UBA5: variants seen among roughly 807,000 people sequenced by gnomAD.
UBA5 encodes ubiquitin-like modifier-activating enzyme 5.
In UBA5, 28 loss-of-function variants were observed where a neutral mutation model predicts 52.9. The observed-to-expected ratio is 0.53, with a 90% CI of 0.39 to 0.73. The LOEUF (loss-of-function observed/expected upper bound fraction) is 0.73, where lower values mean the gene tolerates loss of function less well. Ranked by LOEUF, UBA5 falls within the 30% of genes least tolerant of loss-of-function variation. The pLI is 0.00. For synonymous variants in UBA5, 135 were observed against 162.1 expected, an observed-to-expected ratio of 0.83 and a Z score of 1.27; for missense variants, 388 against 492.7, an observed-to-expected ratio of 0.79 and a Z score of 2.01.
At chr3:132,664,112 C>A (rs574076824) in intron 1 of UBA5, among the ~76,000 whole-genome samples, 1 of 152,190 alleles carries the variant, frequency 6.6e-6, no homozygotes, top group Non-Finnish European at 1.5e-5. Context: ...AAGGAAGTAA[C>A]CAGATTCTTC....
intron 5 of UBA5, 63 bp from the exon 6 acceptor site, chr3:132,670,902 A>G: frequency 8.7e-7 from 1 of 1,150,094 alleles, no homozygotes; most frequent in Non-Finnish European, 1.3e-6. Flanking sequence ...TGAACAAGTA[A>G]GTATAATGTA....
chr3:132,663,053 G>T (rs745366661), intron 1 of UBA5, among the ~76,000 whole-genome samples: 4 of 152,128 alleles, frequency 2.6e-5, no homozygotes, highest in Admixed American at 6.5e-5. Flanking sequence ...TGATAGGGAG[G>T]GGTGGGTCCC....
At position 132,678,678 on chromosome 3, in the gene UBA5, C is replaced by G. The variant is rs766848668; in HGVS notation, c.*2152C>G. Among the ~76,000 whole-genome samples, 6 of 152,012 alleles carry G rather than the reference C, an allele frequency of 3.9e-5. No homozygotes were observed. Among genetic ancestry groups the G allele is most frequent in the Non-Finnish European group, 8.8e-5 (6 of 68,006 alleles). On this transcript the variant is annotated 3_prime_UTR_variant, in exon 12 of 12. Coordinates refer to ENST00000356232, the MANE Select transcript of UBA5 (RefSeq NM_024818.6). ...TTTATTTATTTTTTTGAGACAGAGT[C>G]TCACTCTGTTGCCCAGGCTGGAGTG...
chr3:132,662,823 T>G (rs1317026871), intron 1 of UBA5, among the ~76,000 whole-genome samples: 1 of 152,182 alleles, frequency 6.6e-6, no homozygotes, highest in Non-Finnish European at 1.5e-5. Context: ...TAGCTGATTT[T>G]GGGCAGTTGA....
upstream of UBA5, chr3:132,659,643 C>G (rs766541591): frequency 6.2e-7 from 1 of 1,611,342 alleles, no homozygotes. Flanking sequence ...CGTTCGGCCC[C>G]AAAGCCAGAC....
At position 132,660,517 on chromosome 3, in the gene UBA5, T is replaced by C. The variant is rs1481056646; in HGVS notation, c.-21T>C. On this transcript the variant is annotated 5_prime_UTR_variant, in exon 1 of 12. Transcript: ENST00000356232. This position sits in a 1 kb window ranked among gnomAD's most constrained non-coding sequence, Gnocchi z 4.1. Reference sequence around the variant, plus strand: ...GCGGCGAAGGCCCGGGCTGGGAGCGTTGGCGGCCGGAGTCCCAGCCATGGC... The same window carrying C: ...GCGGCGAAGGCCCGGGCTGGGAGCGCTGGCGGCCGGAGTCCCAGCCATGGC... 6.5e-7 allele frequency: 1 copy of C among 1,546,938 alleles called. No homozygotes were observed. Among genetic ancestry groups the C allele is most frequent in the African/African-American group, 1.4e-5 (1 of 73,052 alleles).
Position 132,660,601 on chromosome 3 carries a change from G to C in UBA5, c.64G>C (p.Glu22Gln), listed in dbSNP as rs1366348493. ...VQELERELAQ[E>Q]RSLQVPRSGD... ...GGAGCTGGAGCGGGAACTTGCCCAG[G>C]AGAGGAGTCTGCAGGTCCCGAGGAG... The change falls in exon 1 of 12, where the codon GAG (glutamate) becomes CAG (glutamine). Residue 22 changes from glutamate to glutamine, a missense_variant. This residue lies in a region of UBA5 where 95 missense variants were observed against 107.0 expected (regional missense o/e 0.89). Coordinates refer to ENST00000356232, the MANE Select transcript of UBA5 (RefSeq NM_024818.6). The surrounding 1 kb of genome is among the most constrained non-coding windows in gnomAD (Gnocchi z 4.1). The C allele has an allele frequency of 6.4e-7, 1 of 1,555,206 alleles. No homozygotes were observed. The highest frequency in any genetic ancestry group is 8.7e-7 in the Non-Finnish European group (1 of 1,149,628).
At position 132,671,178 on chromosome 3, in the gene UBA5, T is replaced by C. The variant is rs562756407; in HGVS notation, c.579+129T>C. 1.2e-5 allele frequency: 9 copies of C among 745,120 alleles called. No individual in the cohort carries two copies. The East Asian group carries it at 2.5e-4, about 21-fold the overall frequency. The allele number at this position is 745,120 out of a possible 1,614,324, so 46.2% of individuals were successfully genotyped here. On this transcript the variant is annotated intron_variant, in intron 6 of 11. Transcript: ENST00000356232. ...CCTTTTCTGTGTTTTATTTGTAATGTTCTCTTAGCCTACTCTTAAAATCTA... is the reference window on the plus strand; with the variant it reads ...CCTTTTCTGTGTTTTATTTGTAATGCTCTCTTAGCCTACTCTTAAAATCTA...
At chr3:132,672,582 A>C (rs976582142) in intron 8 of UBA5, among the ~76,000 whole-genome samples, 1 of 152,182 alleles carries the variant, frequency 6.6e-6, no homozygotes, top group Non-Finnish European at 1.5e-5. Context: ...TGTTTCTACT[A>C]TCTTGATTTA....
chr3:132,667,405 CATAATA>C (rs1172040265), intron 3 of UBA5: 18 of 152,082 alleles, frequency 1.2e-4, no homozygotes, highest in Admixed American at 2.0e-4. Context: ...GACTGCACCC[CATAATA>C]AGTGTCTCTG....
chr3:132,668,987 T>A, intron 4 of UBA5, 60 bp downstream of exon 4: 2 of 1,105,436 alleles, frequency 1.8e-6, no homozygotes, highest in Non-Finnish European at 2.6e-6. Context: ...GTATTTGATA[T>A]GAGTTAATAT....
intron 1 of UBA5, 47 bp from the exon 2 acceptor site, chr3:132,665,776 T>C (rs753304973): frequency 2.5e-5 from 39 of 1,551,280 alleles, no homozygotes; most frequent in Non-Finnish European, 3.4e-5. Context: ...GTATTACTAA[T>C]ACCTAAAAGA....
Position 132,670,956 on chromosome 3 carries a change from T to A in UBA5, c.495-9T>A, listed in dbSNP as rs760024033. 6.2e-7 allele frequency: 1 copy of A among 1,611,342 alleles called. No homozygotes were observed. Among genetic ancestry groups the A allele is most frequent in the South Asian group, 1.1e-5 (1 of 90,990 alleles). ...CCTGATGTTTTTCAAACTTATTTTC[T>A]TTGACTAGTAATGGTGGGTTAGAAG... On this transcript the variant is annotated splice_polypyrimidine_tract_variant and intron_variant, in intron 5 of 11. Transcript: ENST00000356232.
At chr3:132,674,098 T>C (rs957724639) in intron 8 of UBA5, among the ~76,000 whole-genome samples, 1 of 152,226 alleles carries the variant, frequency 6.6e-6, no homozygotes, top group Non-Finnish European at 1.5e-5. Context: ...TAACTTTGAG[T>C]ATCATCAAAC....
rs890961693 is a variant in UBA5, at chr3:132,676,190, G to A, written c.1132-253G>A. Among the ~76,000 whole-genome samples the A allele has an allele frequency of 1.4e-4, 22 of 151,890 alleles. No individual in the cohort carries two copies. The highest frequency in any genetic ancestry group is 4.3e-4 in the African/African-American group (18 of 41,392). On this transcript the variant is annotated intron_variant, in intron 11 of 11. Coordinates refer to ENST00000356232, the MANE Select transcript of UBA5 (RefSeq NM_024818.6). This position sits in a 1 kb window ranked among gnomAD's most constrained non-coding sequence, Gnocchi z 4.1. ...AATGAAGATCTCATTTTTGTTTATC[G>A]GTAGTTTTAGCTACGATGTCGTTTA...
In UBA5 at chr3:132,660,683, A is replaced by C; in HGVS notation, c.146A>C (p.Asp49Ala). The change falls in exon 1 of 12, where the codon GAT becomes GCT. Residue 49 changes from aspartate to alanine, a missense_variant. Physicochemically the swap from Asp to Ala is moderately radical, Grantham distance 126. This residue lies in a region of UBA5 where 95 missense variants were observed against 107.0 expected (regional missense o/e 0.89). Transcript: ENST00000356232. This position sits in a 1 kb window ranked among gnomAD's most constrained non-coding sequence, Gnocchi z 4.1. ...GAGAAGATGAGCTCAGAGGTGGTGG[A>C]TTCGAATCCCTACAGGTAACCTGCG... is the stretch of plus-strand genomic sequence containing the variant. ...RIEKMSSEVV[D>A]SNPYSRLMAL... The C allele has an allele frequency of 6.4e-7, 1 of 1,571,628 alleles. No homozygotes were observed. Among genetic ancestry groups the C allele is most frequent in the Non-Finnish European group, 8.6e-7 (1 of 1,158,322 alleles).
chr3:132,654,976 C>T (rs1444891570), intron 1 of UBA5, among the ~76,000 whole-genome samples: 1 of 152,188 alleles, frequency 6.6e-6, no homozygotes, highest in Non-Finnish European at 1.5e-5. Context: ...CAGCATGTGA[C>T]TGTACTGAAT....
In UBA5 at chr3:132,675,319, T is replaced by C. The variant is rs1938790373; in HGVS notation, c.884T>C (p.Met295Thr). 1 of 1,613,706 alleles carries C rather than the reference T, an allele frequency of 6.2e-7. No homozygotes were observed. The highest frequency in any genetic ancestry group is 1.7e-4 in the Middle Eastern group (1 of 6,028). Residue 295 changes from methionine to threonine, a missense_variant, in exon 9 of 12, where the codon ATG becomes ACG. Met to Thr is a moderately conservative substitution (Grantham distance 81). Transcript: ENST00000356232. ...YNAMQDFFPT[M>T]SMKPNPQCDD... is the part of the protein sequence containing the mutation. ...GCAATGCAGGATTTTTTTCCTACTA[T>C]GTCCATGAAGCCAAATCCTCAGTGT...
chr3:132,669,820 T>C (rs1232388844), intron 4 of UBA5, among the ~76,000 whole-genome samples: 1 of 152,160 alleles, frequency 6.6e-6, no homozygotes, highest in East Asian at 1.9e-4. Flanking sequence ...AACACTTAGA[T>C]TGATTGGGGT....
Sources: gnomAD v4.1 joint callset for allele counts (sites outside exome capture counted in the v4.1 genomes callset) on GRCh38, gnomAD v4.1.1 for gene constraint, gnomAD v4.1.1 regional missense constraint, Gnocchi (gnomAD v3.1) non-coding constraint, MANE v1.5 for transcripts, NCBI Gene and HGNC (gene_info 2026-07-23, HGNC 2026-07-21) for gene names.